The following PIP5K1B variants were observed in gnomAD, a reference collection of about 807,000 sequenced individuals.
PIP5K1B encodes the protein phosphatidylinositol-4-phosphate 5-kinase type 1 beta.
Under a neutral mutation model 67.0 loss-of-function variants are expected in PIP5K1B, and 42 were observed. The ratio of observed to expected loss-of-function variants is 0.63; its 90% CI spans 0.49 to 0.81. PIP5K1B has a LOEUF of 0.81. Ranked by LOEUF, PIP5K1B falls within the 30% of genes least tolerant of loss-of-function variation. The pLI is 0.00. For missense variants in PIP5K1B, 459 were observed against 646.3 expected, an observed-to-expected ratio of 0.71 and a Z score of 3.14; for synonymous variants, 214 against 231.4, an observed-to-expected ratio of 0.92 and a Z score of 0.68.
At chr9:68,889,882 T>C (rs1824689876) in intron 7 of PIP5K1B, among the ~76,000 whole-genome samples, 1 of 152,186 alleles carries the variant, frequency 6.6e-6, no homozygotes, top group Non-Finnish European at 1.5e-5. Flanking sequence ...ATAGTATAAA[T>C]GGTTAACTTT....
At chr9:68,764,811 CA>C (rs1451818592) in intron 2 of PIP5K1B, among the ~76,000 whole-genome samples, 1 of 151,952 alleles carries the variant, frequency 6.6e-6, no homozygotes, top group Non-Finnish European at 1.5e-5. Context: ...ATCAATGTAG[CA>C]AAGAAAAATT....
chr9:68,981,453 C>A (rs1829876388), intron 14 of PIP5K1B, among the ~76,000 whole-genome samples: 1 of 122,354 alleles, frequency 8.2e-6, no homozygotes, highest in Non-Finnish European at 1.6e-5. Flanking sequence ...AAAAGGGCTG[C>A]TGCCCCTAGG....
In PIP5K1B at chr9:68,864,770, A is replaced by G. The variant is rs1823277450; in HGVS notation, c.200+803A>G. Among the ~76,000 whole-genome samples the G allele has an allele frequency of 5.9e-5, 4 of 68,364 alleles. No individual in the cohort carries two copies. The South Asian group carries it at 2.3e-3, about 39-fold the overall frequency. 44.8% of individuals were successfully genotyped at this position (68,364 alleles called of 152,430 possible). ...TGACAGGATTTTTCAAATGATCCAGAAAATAAAAATAAAGATATTCAATTT... is the reference window on the plus strand; with the variant it reads ...TGACAGGATTTTTCAAATGATCCAGGAAATAAAAATAAAGATATTCAATTT... On this transcript the variant is annotated intron_variant, in intron 5 of 15. Coordinates refer to ENST00000265382, the MANE Select transcript of PIP5K1B (RefSeq NM_003558.4).
chr9:68,954,437 C>A (rs1828272627), intron 14 of PIP5K1B, among the ~76,000 whole-genome samples: 1 of 152,164 alleles, frequency 6.6e-6, no homozygotes, highest in South Asian at 2.1e-4. Context: ...AGGTTTGCAG[C>A]ATAACTTAAT....
chr9:69,008,393 G>A (rs575186854), intron 15 of PIP5K1B, 54 bp from the exon 16 acceptor site: 38 of 1,584,268 alleles, frequency 2.4e-5, no homozygotes, highest in Non-Finnish European at 3.2e-5. Context: ...ATGGGGAGAG[G>A]TTACAAATTG....
chr9:68,721,332 G>A (rs955618243), intron 1 of PIP5K1B, among the ~76,000 whole-genome samples: 1 of 152,210 alleles, frequency 6.6e-6, no homozygotes, highest in Non-Finnish European at 1.5e-5. Flanking sequence ...GTAATGTAGT[G>A]TGGATAGGGA....
At chr9:68,768,613 T>C (rs1449645924) in intron 2 of PIP5K1B, among the ~76,000 whole-genome samples, 1 of 152,256 alleles carries the variant, frequency 6.6e-6, no homozygotes, top group Admixed American at 6.5e-5. Context: ...GTCTACCCTA[T>C]GTTTAACTTT....
intron 4 of PIP5K1B, among the ~76,000 whole-genome samples, chr9:68,855,235 A>C (rs11144011): frequency 0.42 from 64,268 of 151,868 alleles, 14,055 homozygotes; most frequent in Non-Finnish European, 0.49. Context: ...ATTTTCTTCT[A>C]CTGTGTTAGT....
In PIP5K1B at chr9:68,705,295, C is replaced by G. The variant is rs1360505613; in HGVS notation, c.-710C>G. 6.6e-6 allele frequency: 1 copy of G among 151,554 alleles called. No individual in the cohort carries two copies. The highest frequency in any genetic ancestry group is 6.6e-5 in the Admixed American group (1 of 15,214). 9.4% of individuals were successfully genotyped at this position (151,554 alleles called of 1,614,324 possible). A position where few individuals can be genotyped will look rare whatever the true frequency, so the allele number is the denominator to read the frequency against. ...CACCAAGCGGGAACCCGCGCCCGAG[C>G]CCGGCGGGCGCCGCTGCTGCTCCTC... On this transcript the variant is annotated 5_prime_UTR_variant, in exon 1 of 16. Coordinates refer to ENST00000265382, the MANE Select transcript of PIP5K1B (RefSeq NM_003558.4).
chr9:68,842,542 A>G lies in PIP5K1B; in HGVS notation c.69+19859A>G, dbSNP rs1821970141. On this transcript the variant is annotated intron_variant, in intron 4 of 15. Coordinates refer to ENST00000265382, the MANE Select transcript of PIP5K1B (RefSeq NM_003558.4). ...TGCAGACAACAAGCATTGATGTTGTACTTCCACCTATAGATAGAAGGGGGA... is the reference window on the plus strand; with the variant it reads ...TGCAGACAACAAGCATTGATGTTGTGCTTCCACCTATAGATAGAAGGGGGA... Among the ~76,000 whole-genome samples, 3 of 152,230 alleles carry G rather than the reference A, an allele frequency of 2.0e-5. No individual in the cohort carries two copies. In the South Asian group the frequency reaches 6.2e-4, roughly 32 times the overall value.
At chr9:68,760,606 C>G (rs1464598294) in intron 2 of PIP5K1B, among the ~76,000 whole-genome samples, 1 of 152,058 alleles carries the variant, frequency 6.6e-6, no homozygotes. Context: ...TCAGCTCACT[C>G]TGCTGGACTC....
rs1483122102 is a variant in PIP5K1B at position 68,863,988 on chromosome 9, G to A, written c.200+21G>A. 3 of 1,611,668 alleles carry A rather than the reference G, an allele frequency of 1.9e-6. No homozygotes were observed. In the African/African-American group the frequency reaches 4.0e-5, roughly 22 times the overall value. On this transcript the variant is annotated intron_variant, in intron 5 of 15. Coordinates refer to ENST00000265382, the MANE Select transcript of PIP5K1B (RefSeq NM_003558.4). The stretch of plus-strand genomic sequence containing the variant: ...CCCAGGTAAGAACATTTTTATTTGT[G>A]ATGATTTCCATGCTAAGGAACCTTC...
intron 4 of PIP5K1B, among the ~76,000 whole-genome samples, chr9:68,862,824 T>TAA (rs961008761): frequency 2.4e-4 from 10 of 41,538 alleles, no homozygotes; most frequent in African/African-American, 6.4e-4. Flanking sequence ...AATAAATAAA[T>TAA]ATATATATAT....
At chr9:68,928,839 G>A (rs1003545690) in intron 12 of PIP5K1B, among the ~76,000 whole-genome samples, 2 of 152,030 alleles carry the variant, frequency 1.3e-5, no homozygotes, top group Admixed American at 6.6e-5. Context: ...TATGCTATAG[G>A]TTTTACTTAC....
At position 68,919,661 on chromosome 9, in the gene PIP5K1B, A is replaced by C. The variant is rs375442217; in HGVS notation, c.1068-20A>C. On this transcript the variant is annotated intron_variant, in intron 10 of 15. Transcript: ENST00000265382. ...AGAGTGATTTTACATTCTCATTTCA[A>C]TTTTTCCATTTATATTTAGGTTAAT... The C allele has an allele frequency of 2.0e-6, 3 of 1,497,812 alleles. No individual in the cohort carries two copies. The highest frequency in any genetic ancestry group is 2.8e-6 in the Non-Finnish European group (3 of 1,078,620). The allele number at this position is 1,497,812 out of a possible 1,614,324, so 92.8% of individuals were successfully genotyped here. A position where few individuals can be genotyped will look rare whatever the true frequency, so the allele number is the denominator to read the frequency against.
chr9:68,951,467 C>T (rs1828063703), intron 14 of PIP5K1B, among the ~76,000 whole-genome samples: 1 of 152,124 alleles, frequency 6.6e-6, no homozygotes, highest in African/African-American at 2.4e-5. Context: ...TAATTCCAAC[C>T]ACCCTCACCT....
intron 4 of PIP5K1B, among the ~76,000 whole-genome samples, chr9:68,827,096 G>A (rs551881281): frequency 5.3e-5 from 8 of 152,246 alleles, no homozygotes; most frequent in Admixed American, 1.3e-4. Context: ...ATTTACCTAC[G>A]TGTTTGTCTT....
chr9:68,746,074 CTCTTT>C (rs1829287650), intron 2 of PIP5K1B, among the ~76,000 whole-genome samples: 1 of 126,276 alleles, frequency 7.9e-6, no homozygotes, highest in African/African-American at 3.0e-5. Context: ...TTTGTGTTAA[CTCTTT>C]TTTTTTTTTT....
At chr9:68,872,735 A>G (rs1001140516) in intron 5 of PIP5K1B, among the ~76,000 whole-genome samples, 1 of 152,122 alleles carries the variant, frequency 6.6e-6, no homozygotes, top group African/African-American at 2.4e-5. Flanking sequence ...GCAAGTGGTG[A>G]CATCCCCTAC....
Sources: allele counts gnomAD v4.1 joint callset (sites outside exome capture counted in the v4.1 genomes callset), GRCh38; gene constraint gnomAD v4.1.1; transcripts MANE v1.5; gene names NCBI Gene and HGNC (gene_info 2026-07-23, HGNC 2026-07-21).